The following GRHL1 variants were observed in gnomAD, a reference collection of about 807,000 sequenced individuals.
GRHL1 encodes the protein grainyhead like transcription factor 1, also known as grainyhead-like protein 1 homolog.
GRHL1 carries 38 observed loss-of-function variants against 75.7 expected under a neutral mutation model. The observed-to-expected ratio is 0.50, with a 90% CI of 0.39 to 0.66. GRHL1 has a LOEUF of 0.66. GRHL1 is among the 30% of genes least tolerant of loss of function. The pLI is 0.00. For synonymous variants in GRHL1, 266 were observed against 279.4 expected (o/e 0.95, Z 0.48); for missense variants, 589 against 767.5 (o/e 0.77, Z 2.75).
At chr2:9,984,931 G>A (rs930725896) in intron 8 of GRHL1, among the ~76,000 whole-genome samples, 1 of 151,856 alleles carries the variant, frequency 6.6e-6, no homozygotes, top group East Asian at 1.9e-4. Flanking sequence ...ACCTGGGCGT[G>A]GTGGCGCACA....
Position 9,968,811 on chromosome 2 carries a change from G to A in GRHL1, c.1110+3430G>A, listed in dbSNP as rs1442834991. ...TTGCAGGAATTCAGAACTGAGCCCA[G>A]CACATATCCGAGAGCCTGCTGTGGA... On this transcript the variant is annotated intron_variant, in intron 8 of 15. Transcript: ENST00000324907. The surrounding 1 kb of genome is among the most constrained non-coding windows in gnomAD (Gnocchi z 4.7). Among the ~76,000 whole-genome samples, 1 of 152,170 alleles carries A rather than the reference G, an allele frequency of 6.6e-6. No individual in the cohort carries two copies. Among genetic ancestry groups the A allele is most frequent in the African/African-American group, 2.4e-5 (1 of 41,430 alleles).
rs576722803 is a variant in GRHL1 at position 9,983,736 on chromosome 2, A to G, written c.1111-2388A>G. ...TTCCATTGGTTGTAAATTGAAAAAT[A>G]TATGGTGGTTTGGTTACTTTGCTTA... On this transcript the variant is annotated intron_variant, in intron 8 of 15. Transcript: ENST00000324907. Among the ~76,000 whole-genome samples the G allele has an allele frequency of 2.6e-5, 4 of 151,662 alleles. No homozygotes were observed. In the East Asian group the frequency reaches 7.8e-4, roughly 29 times the overall value.
intron 12 of GRHL1, among the ~76,000 whole-genome samples, chr2:9,993,635 T>G (rs989551096): frequency 3.9e-5 from 6 of 152,236 alleles, no homozygotes; most frequent in African/African-American, 1.2e-4. Context: ...AGACTCTTCT[T>G]AGTTTGCGTG....
intron 8 of GRHL1, 182 bp downstream of exon 8, chr2:9,965,563 C>T (rs1667459153): frequency 1.7e-6 from 1 of 577,568 alleles, no homozygotes; most frequent in African/African-American, 1.9e-5. Flanking sequence ...TTGTTGCCAT[C>T]CTTTGCACAG....
chr2:9,986,498 A>G (rs1048614575), intron 9 of GRHL1, among the ~76,000 whole-genome samples: 1 of 150,774 alleles, frequency 6.6e-6, no homozygotes, highest in Non-Finnish European at 1.5e-5. Flanking sequence ...GCTCACTGCA[A>G]TTCTGCCTTC....
chr2:9,998,781 CGT>C (rs1271677563), intron 14 of GRHL1, among the ~76,000 whole-genome samples, 182 bp from the exon 15 acceptor site: 6 of 34,860 alleles, frequency 1.7e-4, no homozygotes, highest in Non-Finnish European at 2.5e-4. Flanking sequence ...CACATATATA[CGT>C]ATATATATGT....
At chr2:9,982,484 G>A (rs955201427) in intron 8 of GRHL1, among the ~76,000 whole-genome samples, 5 of 152,198 alleles carry the variant, frequency 3.3e-5, no homozygotes, top group African/African-American at 1.2e-4. Flanking sequence ...TCTGACATCC[G>A]TATGTTTTAA....
intron 2 of GRHL1, among the ~76,000 whole-genome samples, chr2:9,956,229 G>A (rs60026782): frequency 0.19 from 29,524 of 152,126 alleles, 4,076 homozygotes; most frequent in African/African-American, 0.39. Context: ...CTACATTCTG[G>A]CACTGTATTC....
At chr2:9,998,651 CAT>C (rs1491227482) in intron 14 of GRHL1, among the ~76,000 whole-genome samples, 1 of 25,876 alleles carries the variant, frequency 3.9e-5, no homozygotes, top group Admixed American at 5.2e-4. Context: ...TACACATATA[CAT>C]ATACATATAT....
chr2:9,952,545 T>A (rs1231824176), intron 1 of GRHL1, among the ~76,000 whole-genome samples: 4 of 152,228 alleles, frequency 2.6e-5, no homozygotes, highest in Non-Finnish European at 5.9e-5. Flanking sequence ...AACGAGAAAG[T>A]ACTGTACAAG....
rs1435812386 is a variant in GRHL1 at position 9,986,016 on chromosome 2, C to CT, written c.1111-107dup. On this transcript the variant is annotated intron_variant, in intron 8 of 15. Coordinates refer to ENST00000324907, the MANE Select transcript of GRHL1 (RefSeq NM_198182.3). ...TTTTAAAAAATGAGAAGCTGAGCTT[C>CT]TCATTTAAAATAGACTTGAGTAATT... is the stretch of plus-strand genomic sequence containing the variant. 6 of 734,820 alleles carry CT rather than the reference C, an allele frequency of 8.2e-6. No homozygotes were observed. The Admixed American group carries it at 1.5e-4, about 18-fold the overall frequency. The allele number at this position is 734,820 out of a possible 1,614,324, so 45.5% of individuals were successfully genotyped here.
intron 1 of GRHL1, among the ~76,000 whole-genome samples, chr2:9,952,151 G>A (rs1163465939): frequency 1.3e-5 from 2 of 152,018 alleles, no homozygotes; most frequent in East Asian, 3.9e-4. Context: ...CGCACCTTGG[G>A]GTCCGGGCCC....
At chr2:9,961,527 A>C in intron 4 of GRHL1, 91 bp downstream of exon 4, 2 of 1,249,182 alleles carry the variant, frequency 1.6e-6, no homozygotes, top group Non-Finnish European at 2.2e-6. Flanking sequence ...CATGAAACTC[A>C]GCCTGAAATG....
intron 8 of GRHL1, among the ~76,000 whole-genome samples, chr2:9,973,193 G>A (rs1446557183): frequency 6.6e-6 from 1 of 152,174 alleles, no homozygotes; most frequent in African/African-American, 2.4e-5. Context: ...TTCTTGGGGG[G>A]TAGCATTCTG....
At chr2:9,958,184 T>C (rs1453531930) in intron 2 of GRHL1, among the ~76,000 whole-genome samples, 1 of 150,856 alleles carries the variant, frequency 6.6e-6, no homozygotes, top group Non-Finnish European at 1.5e-5. Flanking sequence ...CTTTTTTTTT[T>C]TTTTTTTGAG....
Position 9,962,508 on chromosome 2 carries a change from C to A in GRHL1, c.723C>A (p.Asp241Glu). The A allele has an allele frequency of 1.3e-6, 2 of 1,594,096 alleles. No homozygotes were observed. Among genetic ancestry groups the A allele is most frequent in the Non-Finnish European group, 1.7e-6 (2 of 1,161,722 alleles). Residue 241 changes from aspartate to glutamate, a missense_variant, in exon 5 of 16, where the codon GAC becomes GAA. Transcript: ENST00000324907. ...GGATGCCTGGCATGAATTCAGAGGA[C>A]TATGTTTTTGACAGTGTTTCTGGGT... ...SLRMPGMNSE[D>E]YVFDSVSGNN... is the part of the protein sequence containing the mutation.
intron 8 of GRHL1, among the ~76,000 whole-genome samples, chr2:9,974,738 G>A (rs1199176363): frequency 6.6e-5 from 10 of 152,362 alleles, no homozygotes; most frequent in Admixed American, 5.2e-4. Flanking sequence ...AACTGGCTTA[G>A]GAAGTCATGT....
At chr2:9,986,026 A>T (rs1668402615) in intron 8 of GRHL1, 98 bp from the exon 9 acceptor site, 1 of 803,894 alleles carries the variant, frequency 1.2e-6, no homozygotes. Flanking sequence ...CTCATTTAAA[A>T]TAGACTTGAG....
At chr2:9,967,262 A>C (rs1379002735) in intron 8 of GRHL1, among the ~76,000 whole-genome samples, 1 of 152,236 alleles carries the variant, frequency 6.6e-6, no homozygotes, top group Non-Finnish European at 1.5e-5. Context: ...TAGAGTGGCC[A>C]GCTCTTCTTC....
Sources: gnomAD v4.1 joint callset for allele counts (sites outside exome capture counted in the v4.1 genomes callset) on GRCh38, gnomAD v4.1.1 for gene constraint, Gnocchi (gnomAD v3.1) non-coding constraint, MANE v1.5 for transcripts, NCBI Gene and HGNC (gene_info 2026-07-23, HGNC 2026-07-21) for gene names.